HECW2: variants seen among roughly 807,000 people sequenced by gnomAD.
The protein encoded by HECW2 is HECT, C2 and WW domain containing E3 ubiquitin protein ligase 2, also known as E3 ubiquitin-protein ligase HECW2.
In HECW2, 61 loss-of-function variants were observed where a neutral mutation model predicts 175.2. The observed-to-expected ratio is 0.35, with a 90% CI of 0.28 to 0.43. HECW2 has a LOEUF of 0.43. Among genes scored for constraint, HECW2 ranks in the 20% least tolerant of loss-of-function variants. HECW2 has a pLI of 1.00. For synonymous variants in HECW2, 671 were observed against 731.0 expected, an observed-to-expected ratio of 0.92 and a Z score of 1.32; for missense variants, 1,524 against 2,000.5, an observed-to-expected ratio of 0.76 and a Z score of 4.54.
chr2:196,393,853 CAT>C (rs1369101214), intron 2 of HECW2, among the ~76,000 whole-genome samples: 1 of 152,178 alleles, frequency 6.6e-6, no homozygotes, highest in African/African-American at 2.4e-5. Context: ...CACATGGACA[CAT>C]ATGTTTATTG....
At chr2:196,313,602 C>A (rs1691580555) in intron 10 of HECW2, among the ~76,000 whole-genome samples, 1 of 152,200 alleles carries the variant, frequency 6.6e-6, no homozygotes, top group Admixed American at 6.5e-5. Flanking sequence ...ACCATCACCA[C>A]TGATCAAACT....
intron 1 of HECW2, among the ~76,000 whole-genome samples, chr2:196,573,419 C>T (rs776721975): frequency 6.6e-6 from 1 of 151,998 alleles, no homozygotes; most frequent in African/African-American, 2.4e-5. Context: ...CTCTCCCCAG[C>T]ATCACAGGAC....
intron 2 of HECW2, among the ~76,000 whole-genome samples, chr2:196,424,846 G>C (rs1226453618): frequency 6.6e-6 from 1 of 152,140 alleles, no homozygotes; most frequent in African/African-American, 2.4e-5. Flanking sequence ...AGAAGATCTA[G>C]CTAAGATCAT....
At chr2:196,408,985 C>A (rs141394987) in intron 2 of HECW2, among the ~76,000 whole-genome samples, 1 of 152,122 alleles carries the variant, frequency 6.6e-6, no homozygotes, top group South Asian at 2.1e-4. Flanking sequence ...CAATGGTGTG[C>A]GGGAGTCTAT....
intron 2 of HECW2, among the ~76,000 whole-genome samples, chr2:196,410,893 A>T (rs1000792696): frequency 3.3e-5 from 5 of 152,208 alleles, no homozygotes; most frequent in African/African-American, 1.2e-4. Context: ...ACAACATAGC[A>T]TACAGACAGC....
chr2:196,358,848 C>A (rs1180848576), intron 2 of HECW2, among the ~76,000 whole-genome samples: 1 of 152,158 alleles, frequency 6.6e-6, no homozygotes, highest in Non-Finnish European at 1.5e-5. Context: ...GAAGTCCTTA[C>A]TGTACAGTGA....
intron 14 of HECW2, among the ~76,000 whole-genome samples, chr2:196,284,551 T>C (rs1016265516): frequency 6.6e-6 from 1 of 152,134 alleles, no homozygotes; most frequent in Non-Finnish European, 1.5e-5. Flanking sequence ...TTTATTCACA[T>C]AAAGGAAATT....
rs1379141769 is a variant in HECW2 at position 196,271,227 on chromosome 2, G to A, written c.3301C>T (p.Arg1101Cys). Residue 1101 changes from arginine (R) to cysteine (C), a missense_variant, in exon 17 of 29, where the codon CGT (arginine) becomes TGT (cysteine). By Grantham distance (180) the Arg-to-Cys change is radical (BLOSUM62 -3). This residue lies in a region of HECW2 where 291 missense variants were observed against 412.2 expected (regional missense o/e 0.71). Transcript: ENST00000644978. ...QPNIFEILQE[R>C]QPDLTRNHSL... ...TGATTCCTGGTAAGATCAGGTTGAC[G>A]CTCCTGTAGAATTTCAAAGATATTG... is the stretch of plus-strand genomic sequence containing the variant. The A allele has an allele frequency of 1.2e-6, 2 of 1,610,118 alleles. No homozygotes were observed. The highest frequency in any genetic ancestry group is 3.3e-5 in the Admixed American group (2 of 60,000).
intron 1 of HECW2, among the ~76,000 whole-genome samples, chr2:196,480,577 T>A (rs1011136562): frequency 6.6e-6 from 1 of 152,172 alleles, no homozygotes. Context: ...CAGAACTCAG[T>A]CCGTGAGTTT....
At chr2:196,509,804 T>C (rs964327585) in intron 1 of HECW2, among the ~76,000 whole-genome samples, 3 of 152,202 alleles carry the variant, frequency 2.0e-5, no homozygotes, top group African/African-American at 7.2e-5. Flanking sequence ...GTGAGGCCAC[T>C]CAAGTTTGTA....
At position 196,319,878 on chromosome 2, in the gene HECW2, T is replaced by C. The variant is rs772253083; in HGVS notation, c.1012A>G (p.Ile338Val). The C allele has an allele frequency of 6.2e-7, 1 of 1,609,796 alleles. No individual in the cohort carries two copies. Among genetic ancestry groups the C allele is most frequent in the South Asian group, 1.1e-5 (1 of 90,910 alleles). ...CCATTCACAGAATTGACTCCAAGTA[T>C]TGTGCCAACAGCTTCTGGAGAGGCA... ...EDASPEAVGT[I>V]LGVNSVNGDL... The change falls in exon 9 of 29, where the codon ATA (isoleucine) becomes GTA (valine). Residue 338 changes from isoleucine to valine, a missense_variant. Coordinates refer to ENST00000644978, the MANE Select transcript of HECW2 (RefSeq NM_001348768.2).
At chr2:196,429,286 T>C (rs563764231) in intron 2 of HECW2, among the ~76,000 whole-genome samples, 66 of 152,266 alleles carry the variant, frequency 4.3e-4, no homozygotes, top group African/African-American at 1.2e-3. Context: ...CTGCTCACAA[T>C]GACCCTATCA....
chr2:196,432,685 T>C (rs551337681), intron 2 of HECW2, among the ~76,000 whole-genome samples: 17 of 152,334 alleles, frequency 1.1e-4, no homozygotes, highest in Admixed American at 8.5e-4. Context: ...AGGCTACAAG[T>C]AGTTCTTAAC....
In HECW2 at chr2:196,531,485, G is replaced by A. The variant is rs552878823; in HGVS notation, c.-36+62023C>T. On this transcript the variant is annotated intron_variant, in intron 1 of 28. Transcript: ENST00000644978. ...AGCCTGGCCAACATAATGAAACCCC[G>A]TCTCTAATAAAAATACAATACAAAA... Among the ~76,000 whole-genome samples the A allele has an allele frequency of 4.7e-4, 72 of 151,998 alleles. 1 individual carries two copies. Among genetic ancestry groups the A allele is most frequent in the South Asian group, 2.9e-3 (14 of 4,814 alleles).
At chr2:196,372,079 T>C (rs1296784990) in intron 2 of HECW2, among the ~76,000 whole-genome samples, 1 of 152,220 alleles carries the variant, frequency 6.6e-6, no homozygotes, top group East Asian at 1.9e-4. Context: ...TTAATATCTG[T>C]ACCCTATCTG....
At chr2:196,295,343 T>C (rs974517983) in intron 13 of HECW2, among the ~76,000 whole-genome samples, 1 of 152,228 alleles carries the variant, frequency 6.6e-6, no homozygotes, top group Non-Finnish European at 1.5e-5. Flanking sequence ...ATTGGCTGAC[T>C]CTGCTTTGAG....
At chr2:196,441,649 G>C (rs531713944) in intron 1 of HECW2, among the ~76,000 whole-genome samples, 1 of 152,218 alleles carries the variant, frequency 6.6e-6, no homozygotes, top group East Asian at 1.9e-4. Context: ...GATTTCCCCT[G>C]TGTGTAGCAA....
chr2:196,470,829 C>T (rs552186099), intron 1 of HECW2, among the ~76,000 whole-genome samples: 2 of 151,744 alleles, frequency 1.3e-5, no homozygotes, highest in South Asian at 4.2e-4. Flanking sequence ...TCGCAGGCAT[C>T]TATAATAGAT....
intron 28 of HECW2, among the ~76,000 whole-genome samples, chr2:196,205,143 CT>C (rs1687021451): frequency 6.6e-6 from 1 of 152,212 alleles, no homozygotes; most frequent in Non-Finnish European, 1.5e-5. Context: ...AACTTTCCTT[CT>C]AATAAACTAA....
Sources: allele counts gnomAD v4.1 joint callset (sites outside exome capture counted in the v4.1 genomes callset), GRCh38; gene constraint gnomAD v4.1.1; regional missense constraint gnomAD v4.1.1; transcripts MANE v1.5; gene names NCBI Gene and HGNC (gene_info 2026-07-23, HGNC 2026-07-21).